MAD1L1: variants seen among roughly 807,000 people sequenced by gnomAD.
MAD1L1 encodes mitotic arrest deficient 1 like 1, also known as mitotic spindle assembly checkpoint protein MAD1.
A neutral mutation model predicts 96.9 loss-of-function variants in MAD1L1; 95 were observed. The ratio of observed to expected loss-of-function variants is 0.98; its 90% confidence interval spans 0.83 to 1.16. The LOEUF (loss-of-function observed/expected upper bound fraction) is 1.16, where lower values mean the gene tolerates loss of function less well. Ranked by LOEUF, MAD1L1 falls within the 50% of genes most tolerant of loss-of-function variation. The pLI, the probability that MAD1L1 is intolerant of heterozygous loss-of-function variation, is 0.00. For synonymous variants in MAD1L1, 473 were observed against 396.6 expected, an observed-to-expected ratio of 1.19 and a Z score of -2.29; for missense variants, 1,007 against 954.4, an observed-to-expected ratio of 1.06 and a Z score of -0.73.
chr7:2,123,599 C>T (rs1445216597), intron 11 of MAD1L1, among the ~76,000 whole-genome samples: 2 of 152,278 alleles, frequency 1.3e-5, no homozygotes, highest in South Asian at 2.1e-4. Context: ...GCCAAGGGCA[C>T]GCATGGGAGG....
intron 18 of MAD1L1, among the ~76,000 whole-genome samples, chr7:1,867,872 AT>A (rs1483574457): frequency 4.6e-5 from 7 of 152,354 alleles, no homozygotes; most frequent in African/African-American, 1.7e-4. Context: ...ATGGCGATGC[AT>A]CGGAGGCAGT....
intron 12 of MAD1L1, among the ~76,000 whole-genome samples, chr7:2,025,623 A>C (rs1343399873): frequency 6.6e-6 from 1 of 152,248 alleles, no homozygotes; most frequent in Admixed American, 6.5e-5. Flanking sequence ...AGGGGAATAA[A>C]AAGGGTTAGA....
intron 10 of MAD1L1, among the ~76,000 whole-genome samples, chr7:2,168,957 C>T (rs574685925): frequency 6.6e-6 from 1 of 152,374 alleles, no homozygotes; most frequent in South Asian, 2.1e-4. Context: ...CTCGGACTTG[C>T]TGATGGGCTC....
chr7:1,869,248 A>C (rs1784927817), intron 18 of MAD1L1, among the ~76,000 whole-genome samples: 1 of 152,176 alleles, frequency 6.6e-6, no homozygotes, highest in East Asian at 1.9e-4. Context: ...AGGAGCAGTC[A>C]GCCCACGTGG....
chr7:2,180,590 G>A (rs980705733), intron 10 of MAD1L1, among the ~76,000 whole-genome samples: 1 of 152,182 alleles, frequency 6.6e-6, no homozygotes, highest in African/African-American at 2.4e-5. Context: ...AGGAAACTGG[G>A]CTTGTTTCTG....
chr7:1,980,844 A>G (rs1473953660), intron 14 of MAD1L1: 1 of 508,200 alleles, frequency 2.0e-6, no homozygotes, highest in Non-Finnish European at 3.8e-6. Context: ...GCAGCTGGGG[A>G]GAGAGCACGC....
intron 11 of MAD1L1, among the ~76,000 whole-genome samples, chr7:2,077,838 G>A (rs1785450444): frequency 1.3e-5 from 2 of 152,202 alleles, no homozygotes; most frequent in Non-Finnish European, 2.9e-5. Context: ...CAAACCACAC[G>A]TGCTCGTCCT....
At chr7:2,167,781 A>G (rs34255795) in intron 10 of MAD1L1, among the ~76,000 whole-genome samples, 38,188 of 152,000 alleles carry the variant, frequency 0.25, 5,732 homozygotes, top group Middle Eastern at 0.34. Context: ...TATGCCTGTA[A>G]TCCCAGCACT....
Position 2,003,077 on chromosome 7 carries a change from A to G in MAD1L1, c.1360-956T>C, listed in dbSNP as rs556341715. Among the ~76,000 whole-genome samples the G allele has an allele frequency of 1.1e-3, 5 of 4,412 alleles. No individual in the cohort carries two copies. In the Admixed American group the frequency reaches 0.015, roughly 13 times the overall value. The allele number at this position is 4,412 out of a possible 152,430, so 2.9% of individuals were successfully genotyped here. ...GCACACAGGAAAGTCCGGGAAGGAG[A>G]TGGAGGGCCAGCCCAGGAGTGAGGC... On this transcript the variant is annotated intron_variant, in intron 13 of 18. Transcript: ENST00000265854.
Position 1,975,051 on chromosome 7 carries a change from G to A in MAD1L1, c.1505+5402C>T, listed in dbSNP as rs1780572614. On this transcript the variant is annotated intron_variant, in intron 15 of 18. Transcript: ENST00000265854. ...GGCCGCTGTCGCTACCGGCAGCCAG[G>A]CAGTGGGCTGGGGACAGCTCTGGTG... Among the ~76,000 whole-genome samples, 3 of 152,394 alleles carry A rather than the reference G, an allele frequency of 2.0e-5. No individual in the cohort carries two copies. In the East Asian group the frequency reaches 5.8e-4, roughly 29 times the overall value.
At chr7:1,983,121 C>T (rs1299742729) in intron 14 of MAD1L1, among the ~76,000 whole-genome samples, 1 of 149,698 alleles carries the variant, frequency 6.7e-6, no homozygotes, top group African/African-American at 2.5e-5. Context: ...CACACGCACA[C>T]ACACCCACAG....
At chr7:2,202,736 C>T (rs1038237518) in intron 10 of MAD1L1, among the ~76,000 whole-genome samples, 1 of 152,202 alleles carries the variant, frequency 6.6e-6, no homozygotes, top group Non-Finnish European at 1.5e-5. Context: ...TTGATCAACT[C>T]AACAGCCGGG....
intron 3 of MAD1L1, 163 bp from the exon 4 acceptor site, chr7:2,225,713 G>C: frequency 1.4e-6 from 1 of 710,198 alleles, no homozygotes; most frequent in East Asian, 2.8e-5. Context: ...GGGAACAGGG[G>C]AGGGGCAGGA....
intron 10 of MAD1L1, among the ~76,000 whole-genome samples, chr7:2,209,376 G>A (rs925629387): frequency 1.3e-5 from 2 of 152,160 alleles, no homozygotes; most frequent in African/African-American, 2.4e-5. Flanking sequence ...TTAGGGAAGG[G>A]CCCACACAAA....
chr7:1,915,615 G>A (rs961109936), intron 17 of MAD1L1, among the ~76,000 whole-genome samples: 3 of 152,230 alleles, frequency 2.0e-5, no homozygotes, highest in Admixed American at 6.5e-5. Context: ...GACTGCTGCG[G>A]GTACAAGCAA....
In MAD1L1 at chr7:1,816,203, A is replaced by G; in HGVS notation, c.2024T>C (p.Met675Thr). ...FKATSPSGSK[M>T]QLLETEFSHT... ...TGAGAACTCTGTCTCCAGTAGCTGC[A>G]TCTTGGAACCCGAGGGGCTGGTGGC... The change falls in exon 19 of 19, where the codon ATG (methionine) becomes ACG (threonine). Residue 675 changes from methionine (M) to threonine (T), a missense_variant. Met to Thr is a moderately conservative substitution (Grantham distance 81). Transcript: ENST00000265854. 6.2e-7 allele frequency: 1 copy of G among 1,612,978 alleles called. No homozygotes were observed. The highest frequency in any genetic ancestry group is 8.5e-7 in the Non-Finnish European group (1 of 1,179,624).
chr7:2,138,656 C>A (rs1788875270), intron 11 of MAD1L1, among the ~76,000 whole-genome samples: 1 of 151,958 alleles, frequency 6.6e-6, no homozygotes, highest in Admixed American at 6.5e-5. Context: ...CTCTGAGAAC[C>A]CCAGGCCCAG....
At chr7:2,077,668 G>C (rs1785442428) in intron 11 of MAD1L1, among the ~76,000 whole-genome samples, 1 of 152,252 alleles carries the variant, frequency 6.6e-6, no homozygotes, top group African/African-American at 2.4e-5. Context: ...ACAAAAAGCA[G>C]TGCCGTTCTG....
intron 18 of MAD1L1, among the ~76,000 whole-genome samples, chr7:1,861,213 C>G (rs1784529000): frequency 6.6e-6 from 1 of 152,180 alleles, no homozygotes; most frequent in Admixed American, 6.5e-5. Flanking sequence ...CGGCTAGGCT[C>G]TGGGGAGCAG....
Sources: gnomAD v4.1 joint callset for allele counts (sites outside exome capture counted in the v4.1 genomes callset) on GRCh38, gnomAD v4.1.1 for gene constraint, MANE v1.5 for transcripts, NCBI Gene and HGNC (gene_info 2026-07-23, HGNC 2026-07-21) for gene names.